The following MFSD8 variants were observed in gnomAD, a reference collection of about 807,000 sequenced individuals.
MFSD8 encodes the protein major facilitator superfamily domain-containing protein 8.
MFSD8 carries 55 observed loss-of-function variants against 66.4 expected under a neutral mutation model. The ratio of observed to expected loss-of-function variants is 0.83; its 90% CI spans 0.67 to 1.04. The LOEUF (loss-of-function observed/expected upper bound fraction) is 1.04. MFSD8 is among the 50% of genes least tolerant of loss of function. MFSD8 has a pLI of 0.00. For missense variants in MFSD8, 550 were observed against 627.6 expected (o/e 0.88, Z 1.32); for synonymous variants, 202 against 212.8 (o/e 0.95, Z 0.44).
At position 127,920,558 on chromosome 4, in the gene MFSD8, G is replaced by A. The variant is rs1422078019; in HGVS notation, c.*72C>T. 17 of 1,480,676 alleles carry A rather than the reference G, an allele frequency of 1.1e-5. No homozygotes were observed. The highest frequency in any genetic ancestry group is 9.1e-5 in the South Asian group (8 of 88,076). 91.7% of individuals were successfully genotyped at this position (1,480,676 alleles called of 1,614,324 possible). ...TCTGATTCTTGGAGACTGGCTCACC[G>A]CAATTGTCTAGCAGAGCTTTAGACC... On this transcript the variant is annotated 3_prime_UTR_variant, in exon 12 of 12. Transcript: ENST00000641686.
intron 2 of MFSD8, among the ~76,000 whole-genome samples, chr4:127,952,415 A>G (rs921834482): frequency 9.2e-5 from 14 of 152,128 alleles, no homozygotes; most frequent in African/African-American, 3.4e-4. Context: ...AAAAAAATAA[A>G]TAAATAAAAA....
rs1360603251 is a variant in MFSD8 at position 127,918,244 on chromosome 4, G to T, written c.*2386C>A. ...TTTATACGCAACTTGGCCTACTCAA[G>T]AAGACATCAACATGGTGATTTTTTT... On this transcript the variant is annotated 3_prime_UTR_variant, in exon 12 of 12. Transcript: ENST00000641686. 1 of 152,036 alleles carries T rather than the reference G, an allele frequency of 6.6e-6. No individual in the cohort carries two copies. The highest frequency in any genetic ancestry group is 1.5e-5 in the Non-Finnish European group (1 of 68,030). 9.4% of individuals were successfully genotyped at this position (152,036 alleles called of 1,614,324 possible). A position where few individuals can be genotyped will look rare whatever the true frequency, so the allele number is the denominator to read the frequency against.
chr4:127,942,753 A>T lies in MFSD8; in HGVS notation c.440-595T>A, dbSNP rs146564730. 5.7e-3 allele frequency among the ~76,000 whole-genome samples: 861 copies of T among 152,302 alleles called. 9 individuals are homozygous for T. Among genetic ancestry groups the T allele is most frequent in the Middle Eastern group, 0.02 (6 of 294 alleles). On this transcript the variant is annotated intron_variant, in intron 4 of 11. Transcript: ENST00000641686. Reference sequence around the variant, plus strand: ...ACCATTGATTACTACAACTGTTTTTAAAAGAAAAGTATTACAATATTACAA... The same window carrying T: ...ACCATTGATTACTACAACTGTTTTTTAAAGAAAAGTATTACAATATTACAA...
Position 127,943,833 on chromosome 4 carries a change from G to C in MFSD8, c.358C>G (p.Leu120Val), listed in dbSNP as rs144845312. ...SILISVAANC[L>V]YAYLHIPASH... ...GCTGGGATGTGGAGATATGCATAGA[G>C]GCAGTTGGCTGCCACGGAAATCAAG... The change falls in exon 4 of 12, where the codon CTC becomes GTC. Residue 120 changes from leucine (L) to valine (V), a missense_variant. Coordinates refer to ENST00000641686, the MANE Select transcript of MFSD8 (RefSeq NM_001371596.2). 2.5e-6 allele frequency: 4 copies of C among 1,614,020 alleles called. No homozygotes were observed. In the African/African-American group the frequency reaches 5.3e-5, roughly 22 times the overall value.
rs886059063 is a variant in MFSD8 at position 127,917,947 on chromosome 4, G to A, written c.*2683C>T. On this transcript the variant is annotated 3_prime_UTR_variant, in exon 12 of 12. Transcript: ENST00000641686. Reference sequence around the variant, plus strand: ...TAAGTTAATCTATTCTTAAACAGATGCAGGTAAGTAGTTTATCCTTGTCAA... The same window carrying A: ...TAAGTTAATCTATTCTTAAACAGATACAGGTAAGTAGTTTATCCTTGTCAA... The A allele has an allele frequency of 6.6e-6, 1 of 152,184 alleles. No individual in the cohort carries two copies. Among genetic ancestry groups the A allele is most frequent in the Non-Finnish European group, 1.5e-5 (1 of 68,030 alleles). 9.4% of individuals were successfully genotyped at this position (152,184 alleles called of 1,614,324 possible). A position where few individuals can be genotyped will look rare whatever the true frequency, so the allele number is the denominator to read the frequency against.
chr4:127,949,993 T>A, intron 2 of MFSD8, 146 bp from the exon 3 acceptor site: 1 of 605,268 alleles, frequency 1.7e-6, no homozygotes, highest in Non-Finnish European at 2.9e-6. Flanking sequence ...GGCAATGAGA[T>A]TTTAATTATC....
rs371250204 is a variant in MFSD8, at chr4:127,938,830, C to A, written c.707G>T (p.Arg236Leu). Residue 236 changes from arginine (R) to leucine (L), a missense_variant, in exon 7 of 12, where the codon CGT (arginine) becomes CTT (leucine). By Grantham distance (102) the Arg-to-Leu change is moderately radical. Transcript: ENST00000641686. The stretch of plus-strand genomic sequence containing the variant: ...ACACTGTCTTCCTGAGTCATCCACA[C>A]GATGTTCTCTTAAAAAGAAAAACAC... ...ILILAILREH[R>L]VDDSGRQCKS... 1.2e-6 allele frequency: 2 copies of A among 1,606,914 alleles called. No individual in the cohort carries two copies. Among genetic ancestry groups the A allele is most frequent in the Non-Finnish European group, 8.5e-7 (1 of 1,175,408 alleles).
At chr4:127,965,241 A>C (rs1579055405), upstream of MFSD8, 1 of 1,406,480 alleles carries the variant, frequency 7.1e-7, no homozygotes. Flanking sequence ...GCGCGTGCGC[A>C]CCTGACGGTC....
chr4:127,952,785 G>A (rs892271501), intron 2 of MFSD8, among the ~76,000 whole-genome samples: 1 of 149,754 alleles, frequency 6.7e-6, no homozygotes, highest in Non-Finnish European at 1.5e-5. Flanking sequence ...CAGGAGAATC[G>A]CTTGAACCCG....
intron 3 of MFSD8, among the ~76,000 whole-genome samples, chr4:127,947,981 T>C (rs1741356882): frequency 1.3e-5 from 2 of 151,532 alleles, no homozygotes; most frequent in Admixed American, 1.3e-4. Flanking sequence ...AATAAGTCAT[T>C]AGAGTTAAGA....
rs537572880 is a variant in MFSD8 at position 127,951,942 on chromosome 4, A to T, written c.155-2095T>A. 1.1e-4 allele frequency among the ~76,000 whole-genome samples: 17 copies of T among 151,526 alleles called. No individual in the cohort carries two copies. In the East Asian group the frequency reaches 3.2e-3, roughly 28 times the overall value. On this transcript the variant is annotated intron_variant, in intron 2 of 11. Transcript: ENST00000641686. ...ATGGGGTTTCACCATGTTGGCCAGG[A>T]TGGTCTCAATCTCCTGACCTTGCAA...
At chr4:127,929,716 GAAGA>G (rs2148870270) in intron 9 of MFSD8, among the ~76,000 whole-genome samples, 1 of 152,302 alleles carries the variant, frequency 6.6e-6, no homozygotes, top group Admixed American at 6.5e-5. Context: ...TACACAGTTA[GAAGA>G]AATAAGACCT....
chr4:127,921,099 G>A, intron 11 of MFSD8: 1 of 565,232 alleles, frequency 1.8e-6, no homozygotes, highest in South Asian at 2.2e-5. Context: ...ACCTTTTAAA[G>A]CTAACATTTA....
chr4:127,940,830 A>G (rs548781714), intron 5 of MFSD8, among the ~76,000 whole-genome samples: 41 of 152,210 alleles, frequency 2.7e-4, no homozygotes, highest in African/African-American at 9.9e-4. Context: ...TAATTCACAT[A>G]TAACTCTAGG....
rs559872777 is a variant in MFSD8 at position 127,918,546 on chromosome 4, T to G, written c.*2084A>C. 1 of 152,334 alleles carries G rather than the reference T, an allele frequency of 6.6e-6. No homozygotes were observed. Among genetic ancestry groups the G allele is most frequent in the East Asian group, 1.9e-4 (1 of 5,192 alleles). 9.4% of individuals were successfully genotyped at this position (152,334 alleles called of 1,614,324 possible). A position where few individuals can be genotyped will look rare whatever the true frequency, so the allele number is the denominator to read the frequency against. On this transcript the variant is annotated 3_prime_UTR_variant, in exon 12 of 12. Transcript: ENST00000641686. Reference sequence around the variant, plus strand: ...AAGACAAAAGCTCCAGTCAGTGGGCTTATGTTGCCCAAATATTTCTGCTAG... The same window carrying G: ...AAGACAAAAGCTCCAGTCAGTGGGCGTATGTTGCCCAAATATTTCTGCTAG...
intron 1 of MFSD8, among the ~76,000 whole-genome samples, chr4:127,957,883 C>A (rs1345246433): frequency 1.3e-5 from 2 of 152,072 alleles, no homozygotes; most frequent in Non-Finnish European, 2.9e-5. Context: ...ATTTATTAAT[C>A]AAGAGTGTTG....
chr4:127,930,666 A>G lies in MFSD8; in HGVS notation c.998+17T>C. Reference sequence around the variant, plus strand: ...ATTTTTTAAAAACAGACATAAAACCAAAAACACTTAACTTACTTTTTGGAA... The same window carrying G: ...ATTTTTTAAAAACAGACATAAAACCGAAAACACTTAACTTACTTTTTGGAA... On this transcript the variant is annotated intron_variant, in intron 9 of 11. Coordinates refer to ENST00000641686, the MANE Select transcript of MFSD8 (RefSeq NM_001371596.2). 1 of 1,613,092 alleles carries G rather than the reference A, an allele frequency of 6.2e-7. No homozygotes were observed. Among genetic ancestry groups the G allele is most frequent in the Non-Finnish European group, 8.5e-7 (1 of 1,179,546 alleles).
chr4:127,940,864 A>T (rs1740074212), intron 5 of MFSD8, among the ~76,000 whole-genome samples: 1 of 152,122 alleles, frequency 6.6e-6, no homozygotes, highest in Non-Finnish European at 1.5e-5. Flanking sequence ...TATTGCACCT[A>T]CCGTACTTAG....
intron 6 of MFSD8, 193 bp from the exon 7 acceptor site, chr4:127,939,031 C>G: frequency 2.4e-6 from 1 of 417,182 alleles, no homozygotes; most frequent in South Asian, 5.1e-5. Context: ...ATCAAATTAT[C>G]ATAAACAGGT....
Sources: allele counts gnomAD v4.1 joint callset (sites outside exome capture counted in the v4.1 genomes callset), GRCh38; gene constraint gnomAD v4.1.1; transcripts MANE v1.5; gene names NCBI Gene and HGNC (gene_info 2026-07-23, HGNC 2026-07-21).